CSNK2A2IP: variants seen among roughly 807,000 people sequenced by gnomAD.
CSNK2A2IP encodes casein kinase II subunit alpha'-interacting protein.
At chr3:88,401,167 G>A in the CSNK2A2IP span, among the ~76,000 whole-genome samples, 1 of 152,012 alleles carries the variant, frequency 6.6e-6, no homozygotes, top group Admixed American at 6.6e-5. Flanking sequence ...TTTTTGAGCA[G>A]TCATTAAAAC....
chr3:88,410,168 T>C, the CSNK2A2IP span, among the ~76,000 whole-genome samples: 1 of 152,038 alleles, frequency 6.6e-6, no homozygotes, highest in Admixed American at 6.6e-5. Flanking sequence ...CTCACTGAGC[T>C]CAAAAAGAAG....
At chr3:88,399,733 T>C in the CSNK2A2IP span, 1 of 152,110 alleles carries the variant, frequency 6.6e-6, no homozygotes, top group East Asian at 1.9e-4. Context: ...CCAACTACAA[T>C]TAGCGAAGCT....
chr3:88,404,364 G>A, the CSNK2A2IP span, among the ~76,000 whole-genome samples: 2 of 152,080 alleles, frequency 1.3e-5, no homozygotes, highest in African/African-American at 4.8e-5. Context: ...AGAGACTGCG[G>A]TAATAAGAAA....
the CSNK2A2IP span, among the ~76,000 whole-genome samples, chr3:88,432,474 C>T: frequency 1.3e-5 from 2 of 151,538 alleles, no homozygotes; most frequent in South Asian, 4.2e-4. Context: ...GGTAATTTGC[C>T]AAGAGAATAC....
At chr3:88,343,918 A>G in the CSNK2A2IP span, among the ~76,000 whole-genome samples, 2 of 151,986 alleles carry the variant, frequency 1.3e-5, no homozygotes, top group African/African-American at 4.8e-5. Context: ...ACAATAAATC[A>G]TCTAGGTTAT....
At chr3:88,404,195 C>T in the CSNK2A2IP span, among the ~76,000 whole-genome samples, 1 of 151,890 alleles carries the variant, frequency 6.6e-6, no homozygotes, top group Non-Finnish European at 1.5e-5. Context: ...AGACAATTGT[C>T]CAGGAAAGGT....
At chr3:88,400,515 A>T in the CSNK2A2IP span, among the ~76,000 whole-genome samples, 3 of 152,286 alleles carry the variant, frequency 2.0e-5, no homozygotes, top group Non-Finnish European at 4.4e-5. Context: ...TTGAGATAAG[A>T]TTATCATGGA....
At chr3:88,374,177 A>T in the CSNK2A2IP span, among the ~76,000 whole-genome samples, 1 of 151,718 alleles carries the variant, frequency 6.6e-6, no homozygotes, top group African/African-American at 2.4e-5. Flanking sequence ...GTGCACATTA[A>T]GTTGATGGTG....
the CSNK2A2IP span, among the ~76,000 whole-genome samples, chr3:88,407,943 G>C: frequency 1.3e-5 from 2 of 151,954 alleles, no homozygotes; most frequent in African/African-American, 4.8e-5. Context: ...GGCTGGTCTT[G>C]AACTCCTTAG....
chr3:88,398,478 C>T, the CSNK2A2IP span, among the ~76,000 whole-genome samples: 4 of 152,088 alleles, frequency 2.6e-5, no homozygotes, highest in Non-Finnish European at 5.9e-5. Context: ...AATCCACACA[C>T]CAGTTAGATA....
the CSNK2A2IP span, among the ~76,000 whole-genome samples, chr3:88,354,716 G>A: frequency 4.6e-5 from 7 of 152,104 alleles, no homozygotes; most frequent in African/African-American, 1.7e-4. Context: ...AATCATGAAA[G>A]CTGAAGCATG....
chr3:88,442,091 C>T, the CSNK2A2IP span, among the ~76,000 whole-genome samples: 11 of 152,148 alleles, frequency 7.2e-5, no homozygotes, highest in African/African-American at 1.9e-4. Flanking sequence ...ATCTCATGTA[C>T]GTTTGTCATT....
At chr3:88,459,799 G>C in the CSNK2A2IP span, among the ~76,000 whole-genome samples, 1 of 152,032 alleles carries the variant, frequency 6.6e-6, no homozygotes, top group African/African-American at 2.4e-5. Context: ...CATCTATTAA[G>C]ATTTATTTGT....
the CSNK2A2IP span, among the ~76,000 whole-genome samples, chr3:88,462,303 G>T: frequency 2.0e-5 from 3 of 151,884 alleles, no homozygotes; most frequent in African/African-American, 7.3e-5. Flanking sequence ...ATTTCATTTT[G>T]CCATCTAGAA....
chr3:88,461,227 G>C, the CSNK2A2IP span, among the ~76,000 whole-genome samples: 1 of 152,106 alleles, frequency 6.6e-6, no homozygotes, highest in Non-Finnish European at 1.5e-5. Flanking sequence ...GTTGATTACA[G>C]TTTGGAATAT....
the CSNK2A2IP span, chr3:88,466,956 C>T: frequency 1.6e-6 from 2 of 1,231,322 alleles, no homozygotes; most frequent in Non-Finnish European, 2.0e-6. Flanking sequence ...CATCTTGTCT[C>T]CCATTCCCTA....
the CSNK2A2IP span, among the ~76,000 whole-genome samples, chr3:88,422,484 T>A: frequency 6.6e-6 from 1 of 152,176 alleles, no homozygotes; most frequent in Non-Finnish European, 1.5e-5. Flanking sequence ...ATTTTAGAAT[T>A]TGAGTAATAA....
the CSNK2A2IP span, among the ~76,000 whole-genome samples, chr3:88,338,980 A>G: frequency 6.6e-6 from 1 of 152,072 alleles, no homozygotes; most frequent in Admixed American, 6.6e-5. Flanking sequence ...TGATGTTTAG[A>G]TGCAGGCATA....
At chr3:88,461,897 C>T in the CSNK2A2IP span, among the ~76,000 whole-genome samples, 7 of 151,928 alleles carry the variant, frequency 4.6e-5, no homozygotes, top group East Asian at 1.9e-4. Flanking sequence ...CGAATCAATA[C>T]GCCCAGCTAA....
Sources: gnomAD v4.1 joint callset for allele counts (sites outside exome capture counted in the v4.1 genomes callset) on GRCh38, gnomAD v4.1.1 for gene constraint, MANE v1.5 for transcripts, NCBI Gene and HGNC (gene_info 2026-07-23, HGNC 2026-07-21) for gene names.